IL1RAPL2: variants seen among roughly 807,000 people sequenced by gnomAD.
IL1RAPL2 encodes X-linked interleukin-1 receptor accessory protein-like 2.
A neutral mutation model predicts 44.1 loss-of-function variants in IL1RAPL2; 3 were observed. That is an observed-to-expected ratio of 0.07 (90% CI 0.03 to 0.18). The LOEUF (loss-of-function observed/expected upper bound fraction) is 0.18. IL1RAPL2 is among the 10% of genes least tolerant of loss of function. The pLI is 1.00. For missense variants in IL1RAPL2, 391 were observed against 496.4 expected, an observed-to-expected ratio of 0.79 and a Z score of 2.02; for synonymous variants, 181 against 178.8, an observed-to-expected ratio of 1.01 and a Z score of -0.10.
intron 2 of IL1RAPL2, among the ~76,000 whole-genome samples, chrX:104,977,514 G>A (rs374337314): frequency 5.4e-5 from 6 of 111,610 alleles, no homozygotes; most frequent in African/African-American, 1.6e-4. Flanking sequence ...TGCCGTCATC[G>A]CCACTGTCTC....
At chrX:104,697,348 C>G (rs1467506505) in intron 2 of IL1RAPL2, among the ~76,000 whole-genome samples, 1 of 112,547 alleles carries the variant, frequency 8.9e-6, no homozygotes. Context: ...CTTTAAGCCT[C>G]CTTCAGTTCT....
intron 2 of IL1RAPL2, among the ~76,000 whole-genome samples, chrX:105,001,261 A>C (rs752509260): frequency 9.0e-6 from 1 of 111,264 alleles, no homozygotes; most frequent in South Asian, 3.8e-4. Flanking sequence ...TCTTGATGCC[A>C]ACTACCTATC....
At chrX:105,030,320 C>A (rs374336555) in intron 2 of IL1RAPL2, among the ~76,000 whole-genome samples, 6 of 110,937 alleles carry the variant, frequency 5.4e-5, no homozygotes, top group Non-Finnish European at 7.6e-5. Context: ...AGTCCTTGCC[C>A]ATGCCTATGT....
At chrX:105,701,339 GATTTTAAGTCCAC>G (rs1457888969) in intron 6 of IL1RAPL2, among the ~76,000 whole-genome samples, 10 of 111,249 alleles carry the variant, frequency 9.0e-5, no homozygotes, top group African/African-American at 3.3e-4. Flanking sequence ...ACTCAAGGGT[GATTTTAAGTCCAC>G]TCATTTAGAC....
At chrX:105,271,409 C>G (rs908247661) in intron 5 of IL1RAPL2, among the ~76,000 whole-genome samples, 12 of 111,957 alleles carry the variant, frequency 1.1e-4, no homozygotes, top group Non-Finnish European at 2.1e-4. Context: ...TTTTAGGTGA[C>G]TATATGCTAT....
chrX:104,879,351 C>T (rs770830199), intron 2 of IL1RAPL2, among the ~76,000 whole-genome samples: 1 of 28,284 alleles, frequency 3.5e-5, no homozygotes, highest in Admixed American at 2.7e-4. Flanking sequence ...GTAAAAGAGA[C>T]CAAGCAAAAC....
chrX:104,569,124 G>A (rs1263323519), intron 1 of IL1RAPL2, among the ~76,000 whole-genome samples: 1 of 112,429 alleles, frequency 8.9e-6, no homozygotes, highest in African/African-American at 3.2e-5. Flanking sequence ...AGCTGCAGCC[G>A]CTTCTGCTTC....
intron 6 of IL1RAPL2, among the ~76,000 whole-genome samples, chrX:105,503,363 A>G (rs1336568726): frequency 9.0e-6 from 1 of 111,339 alleles, no homozygotes; most frequent in East Asian, 2.9e-4. Flanking sequence ...TAACTGGACT[A>G]CTTTAATCAG....
At chrX:104,896,890 C>T (rs962221477) in intron 2 of IL1RAPL2, among the ~76,000 whole-genome samples, 7 of 111,218 alleles carry the variant, frequency 6.3e-5, no homozygotes, top group East Asian at 2.8e-4. Flanking sequence ...TAAACAACTC[C>T]GGATGCCCCA....
intron 1 of IL1RAPL2, among the ~76,000 whole-genome samples, chrX:104,636,536 G>C (rs1225632761): frequency 8.9e-6 from 1 of 112,061 alleles, no homozygotes; most frequent in African/African-American, 3.2e-5. Context: ...TCAAGCCTTG[G>C]CAATGGCGGG....
At chrX:104,935,784 G>GTAT (rs1372476650) in intron 2 of IL1RAPL2, among the ~76,000 whole-genome samples, 2 of 111,649 alleles carry the variant, frequency 1.8e-5, no homozygotes, top group Non-Finnish European at 3.8e-5. Context: ...CTGAAATTCA[G>GTAT]TATGATCTTA....
At chrX:105,046,593 G>T (rs781295896) in intron 2 of IL1RAPL2, among the ~76,000 whole-genome samples, 30 of 110,887 alleles carry the variant, frequency 2.7e-4, no homozygotes, top group Non-Finnish European at 2.1e-4. Flanking sequence ...ATTATATCCA[G>T]TGCAATGCAT....
At chrX:105,100,681 G>T (rs1338929882) in intron 2 of IL1RAPL2, among the ~76,000 whole-genome samples, 1 of 111,661 alleles carries the variant, frequency 9.0e-6, no homozygotes, top group Non-Finnish European at 1.9e-5. Context: ...TAATTCTCTG[G>T]CAAGGGGATG....
At chrX:104,970,282 A>G (rs191582648) in intron 2 of IL1RAPL2, among the ~76,000 whole-genome samples, 1 of 112,091 alleles carries the variant, frequency 8.9e-6, no homozygotes, top group East Asian at 2.8e-4. Flanking sequence ...CAAATTATTG[A>G]TATAATTGAT....
At chrX:104,605,108 A>G (rs766144291) in intron 1 of IL1RAPL2, among the ~76,000 whole-genome samples, 36 of 112,216 alleles carry the variant, frequency 3.2e-4, no homozygotes, top group Non-Finnish European at 6.2e-4. Flanking sequence ...CAGAAATCAT[A>G]ACAAAGTGTC....
At chrX:104,919,694 CTT>C (rs56245942) in intron 2 of IL1RAPL2, among the ~76,000 whole-genome samples, 32,767 of 91,835 alleles carry the variant, frequency 0.36, 5,101 homozygotes, top group Non-Finnish European at 0.44. Flanking sequence ...ACCACACCCA[CTT>C]TTTTTTTTTT....
At chrX:104,957,086 C>T (rs958283347) in intron 2 of IL1RAPL2, among the ~76,000 whole-genome samples, 5 of 112,240 alleles carry the variant, frequency 4.5e-5, no homozygotes, top group Admixed American at 3.8e-4. Flanking sequence ...ATATTTGCTG[C>T]TGCTGAGTTA....
At chrX:104,875,154 A>G in intron 2 of IL1RAPL2, among the ~76,000 whole-genome samples, 1 of 111,397 alleles carries the variant, frequency 9.0e-6, no homozygotes, top group Non-Finnish European at 1.9e-5. Flanking sequence ...CCTGAAGTAC[A>G]TTTTTCTCCA....
At chrX:105,275,578 A>G (rs909546171) in intron 5 of IL1RAPL2, among the ~76,000 whole-genome samples, 1 of 111,950 alleles carries the variant, frequency 8.9e-6, no homozygotes, top group African/African-American at 3.2e-5. Context: ...AATTATTTGT[A>G]GCTTGCTTTG....
Sources: allele counts gnomAD v4.1 joint callset (sites outside exome capture counted in the v4.1 genomes callset), GRCh38; gene constraint gnomAD v4.1.1; transcripts MANE v1.5; gene names NCBI Gene and HGNC (gene_info 2026-07-23, HGNC 2026-07-21).